Variants in CSNK2A2IP observed in about 807,000 individuals in gnomAD.
The protein encoded by CSNK2A2IP is casein kinase II subunit alpha'-interacting protein.
the CSNK2A2IP span, chr3:88,467,404 T>C: frequency 2.5e-6 from 1 of 398,718 alleles, no homozygotes; most frequent in Non-Finnish European, 4.4e-6. Flanking sequence ...AGGGGTCTCC[T>C]GGCTTGAGTT....
the CSNK2A2IP span, among the ~76,000 whole-genome samples, chr3:88,424,583 C>G: frequency 6.6e-6 from 1 of 152,202 alleles, no homozygotes; most frequent in East Asian, 1.9e-4. Context: ...GCAAACTGTG[C>G]AAGGCTCTGT....
At chr3:88,430,041 G>A in the CSNK2A2IP span, among the ~76,000 whole-genome samples, 1 of 152,084 alleles carries the variant, frequency 6.6e-6, no homozygotes, top group South Asian at 2.1e-4. Context: ...GAGTACAGGC[G>A]TGAGCCACTG....
chr3:88,455,610 C>T, the CSNK2A2IP span, among the ~76,000 whole-genome samples: 7 of 151,850 alleles, frequency 4.6e-5, no homozygotes, highest in Admixed American at 2.6e-4. Context: ...AACTATTTAT[C>T]GGATATATGG....
At chr3:88,455,309 G>A in the CSNK2A2IP span, among the ~76,000 whole-genome samples, 10 of 151,710 alleles carry the variant, frequency 6.6e-5, no homozygotes, top group Non-Finnish European at 1.5e-4. Context: ...TTTTACAATG[G>A]CTGTACCAAT....
At chr3:88,373,603 TAA>T in the CSNK2A2IP span, among the ~76,000 whole-genome samples, 65,648 of 143,650 alleles carry the variant, frequency 0.46, 15,609 homozygotes, top group South Asian at 0.62. Flanking sequence ...GTAATGAAAG[TAA>T]AAAAAAAAAA....
chr3:88,387,227 T>A, the CSNK2A2IP span, among the ~76,000 whole-genome samples: 1 of 150,638 alleles, frequency 6.6e-6, no homozygotes, highest in Non-Finnish European at 1.5e-5. Flanking sequence ...AGTTTCAGGA[T>A]CTTGGCTCAT....
chr3:88,383,234 A>T, the CSNK2A2IP span, among the ~76,000 whole-genome samples: 2 of 152,218 alleles, frequency 1.3e-5, no homozygotes, highest in African/African-American at 4.8e-5. Flanking sequence ...AATTTCTTAA[A>T]ATAAAAAATA....
At chr3:88,343,659 A>G in the CSNK2A2IP span, among the ~76,000 whole-genome samples, 2 of 152,002 alleles carry the variant, frequency 1.3e-5, no homozygotes, top group Non-Finnish European at 2.9e-5. Flanking sequence ...TGAAGTACAT[A>G]AGGTTAGTGA....
chr3:88,461,769 A>T, the CSNK2A2IP span, among the ~76,000 whole-genome samples: 1 of 151,622 alleles, frequency 6.6e-6, no homozygotes, highest in African/African-American at 2.4e-5. Flanking sequence ...CACTTTATTG[A>T]TTTTTTATTT....
the CSNK2A2IP span, among the ~76,000 whole-genome samples, chr3:88,407,472 T>C: frequency 6.6e-6 from 1 of 152,060 alleles, no homozygotes; most frequent in Non-Finnish European, 1.5e-5. Context: ...AATGTCAGCT[T>C]CTTGGCGGCA....
chr3:88,442,897 ATAAT>A, the CSNK2A2IP span, among the ~76,000 whole-genome samples: 2 of 152,084 alleles, frequency 1.3e-5, no homozygotes, highest in African/African-American at 2.4e-5. Flanking sequence ...ATTATTTATT[ATAAT>A]TAATTAAGTT....
At chr3:88,390,415 G>C in the CSNK2A2IP span, among the ~76,000 whole-genome samples, 1 of 152,188 alleles carries the variant, frequency 6.6e-6, no homozygotes, top group African/African-American at 2.4e-5. Flanking sequence ...ACCTGGAACT[G>C]TTGAGAAAAT....
the CSNK2A2IP span, among the ~76,000 whole-genome samples, chr3:88,349,303 A>T: frequency 1.3e-5 from 2 of 151,730 alleles, no homozygotes; most frequent in South Asian, 4.2e-4. Flanking sequence ...TGCCCTCCTG[A>T]GTCTCCACAG....
the CSNK2A2IP span, among the ~76,000 whole-genome samples, chr3:88,349,566 T>C: frequency 6.6e-6 from 1 of 152,162 alleles, no homozygotes; most frequent in Non-Finnish European, 1.5e-5. Context: ...TCCATAATTC[T>C]TGCAATTGCA....
At chr3:88,459,301 A>G in the CSNK2A2IP span, among the ~76,000 whole-genome samples, 2 of 152,158 alleles carry the variant, frequency 1.3e-5, no homozygotes, top group Non-Finnish European at 2.9e-5. Context: ...TTGAATTTTT[A>G]GAGATAATTA....
the CSNK2A2IP span, among the ~76,000 whole-genome samples, chr3:88,439,059 C>T: frequency 2.0e-5 from 3 of 152,112 alleles, no homozygotes; most frequent in Non-Finnish European, 4.4e-5. Flanking sequence ...TCATGCCTGT[C>T]CTCAAAGTCC....
chr3:88,454,659 A>G, the CSNK2A2IP span, among the ~76,000 whole-genome samples: 2 of 151,884 alleles, frequency 1.3e-5, no homozygotes, highest in African/African-American at 4.8e-5. Context: ...TTATTGATGT[A>G]TAATTGATAA....
At chr3:88,415,490 T>C in the CSNK2A2IP span, among the ~76,000 whole-genome samples, 24 of 152,040 alleles carry the variant, frequency 1.6e-4, no homozygotes, top group African/African-American at 5.6e-4. Flanking sequence ...CATGGTATGA[T>C]TTAAGTTTTT....
At chr3:88,359,893 T>C in the CSNK2A2IP span, among the ~76,000 whole-genome samples, 2 of 152,132 alleles carry the variant, frequency 1.3e-5, no homozygotes. Flanking sequence ...TGGTCTATAG[T>C]GCAGGTTAAG....
Sources: allele counts gnomAD v4.1 joint callset (sites outside exome capture counted in the v4.1 genomes callset), GRCh38; gene constraint gnomAD v4.1.1; transcripts MANE v1.5; gene names NCBI Gene and HGNC (gene_info 2026-07-23, HGNC 2026-07-21).